Variants in CDC16 observed in about 807,000 individuals in gnomAD.
The protein encoded by CDC16 is cell division cycle 16.
A neutral mutation model predicts 87.0 loss-of-function variants in CDC16; 34 were observed. The ratio of observed to expected loss-of-function variants is 0.39; its 90% confidence interval spans 0.30 to 0.52. The LOEUF (loss-of-function observed/expected upper bound fraction) is 0.52, where lower values mean the gene tolerates loss of function less well. CDC16 is among the 20% of genes least tolerant of loss of function. The pLI, the probability that CDC16 is intolerant of heterozygous loss-of-function variation, is 0.74. For synonymous variants in CDC16, 263 were observed against 260.6 expected, an observed-to-expected ratio of 1.01 and a Z score of -0.09; for missense variants, 653 against 751.9, an observed-to-expected ratio of 0.87 and a Z score of 1.54.
intron 1 of CDC16, among the ~76,000 whole-genome samples, chr13:114,236,231 G>A (rs2081245113): frequency 6.6e-6 from 1 of 152,290 alleles, no homozygotes; most frequent in East Asian, 1.9e-4. Context: ...TGTTATATAA[G>A]GTATTTGAGT....
chr13:114,234,982 G>C lies in CDC16; in HGVS notation c.-103G>C. The C allele has an allele frequency of 1.1e-6, 1 of 949,144 alleles. No individual in the cohort carries two copies. The highest frequency in any genetic ancestry group is 1.4e-6 in the Non-Finnish European group (1 of 727,126). 58.8% of individuals were successfully genotyped at this position (949,144 alleles called of 1,614,324 possible). On this transcript the variant is annotated 5_prime_UTR_variant, in exon 1 of 18. Coordinates refer to ENST00000356221, the MANE Select transcript of CDC16 (RefSeq NM_001078645.3). ...GCGGCCTTCGAGTCCTGGGGCGGCG[G>C]CGGCGGCTGCAGGCACGGGCACGGG...
At chr13:114,252,629 A>G (rs1026132825) in intron 12 of CDC16, among the ~76,000 whole-genome samples, 4 of 141,172 alleles carry the variant, frequency 2.8e-5, no homozygotes, top group Admixed American at 1.4e-4. Context: ...ATGTATCAAT[A>G]TGATAATTTG....
At position 114,243,316 on chromosome 13, in the gene CDC16, C is replaced by A; in HGVS notation, c.601C>A (p.Leu201Met). The A allele has an allele frequency of 6.3e-7, 1 of 1,584,004 alleles. No individual in the cohort carries two copies. Among genetic ancestry groups the A allele is most frequent in the Non-Finnish European group, 8.7e-7 (1 of 1,153,100 alleles). Residue 201 changes from leucine (L) to methionine (M), a missense_variant, in exon 7 of 18, where the codon CTG becomes ATG. Physicochemically the swap from Leu to Met is conservative, Grantham distance 15. Coordinates refer to ENST00000356221, the MANE Select transcript of CDC16 (RefSeq NM_001078645.3). ...SKLCNEEQEL[L>M]RFLFENKLKK... ...GCTGTGTAATGAAGAACAGGAATTG[C>A]TGCGTTTTCTATTTGAGAACAAATT...
chr13:114,244,039 TTACC>T, intron 8 of CDC16, 50 bp downstream of exon 8: 1 of 1,335,466 alleles, frequency 7.5e-7, no homozygotes, highest in Non-Finnish European at 1.1e-6. Flanking sequence ...TCACTCCATC[TTACC>T]TAGGTGATTC....
intron 12 of CDC16, among the ~76,000 whole-genome samples, chr13:114,255,264 T>G (rs1372313202): frequency 6.6e-6 from 1 of 152,228 alleles, no homozygotes; most frequent in East Asian, 1.9e-4. Flanking sequence ...TGTATATACT[T>G]ATATCATTTG....
At chr13:114,243,803 T>G (rs1339014425) in intron 7 of CDC16, 53 bp from the exon 8 acceptor site, 13 of 1,472,056 alleles carry the variant, frequency 8.8e-6, no homozygotes, top group Non-Finnish European at 1.2e-5. Context: ...TGAATCCACA[T>G]TTTATTTTGT....
chr13:114,241,940 C>T (rs997508782), intron 5 of CDC16, among the ~76,000 whole-genome samples, 181 bp from the exon 6 acceptor site: 2 of 152,126 alleles, frequency 1.3e-5, no homozygotes, highest in South Asian at 2.1e-4. Context: ...ATCCTAGCTA[C>T]TCAGGAGGCT....
At position 114,268,227 on chromosome 13, in the gene CDC16, A is replaced by G. The variant is rs528757810; in HGVS notation, c.1603+2987A>G. ...AAATGAAGGCTCTCTAGAGAGGGAA[A>G]AGGGAAAAAGAAATGAAAAATAAAT... On this transcript the variant is annotated intron_variant, in intron 17 of 17. Coordinates refer to ENST00000356221, the MANE Select transcript of CDC16 (RefSeq NM_001078645.3). Among the ~76,000 whole-genome samples the G allele has an allele frequency of 7.2e-5, 11 of 152,300 alleles. No individual in the cohort carries two copies. In the South Asian group the frequency reaches 1.2e-3, roughly 17 times the overall value.
chr13:114,250,612 G>C lies in CDC16; in HGVS notation c.1035G>C (p.Ala345=), dbSNP rs762043958. 1 of 1,613,906 alleles carries C rather than the reference G, an allele frequency of 6.2e-7. No homozygotes were observed. The highest frequency in any genetic ancestry group is 8.5e-7 in the Non-Finnish European group (1 of 1,179,986). The change falls in exon 12 of 18, where the codon GCG becomes GCC. Residue 345 remains alanine, a synonymous_variant. Coordinates refer to ENST00000356221, the MANE Select transcript of CDC16 (RefSeq NM_001078645.3). The part of the protein sequence containing the change: ...PAWIAYGHSF[A]VESEHDQAMA... ...GGATAGCCTATGGACATTCATTTGCGGTGGAGAGTGAGCACGACCAAGCGA... is the reference window on the plus strand; with the variant it reads ...GGATAGCCTATGGACATTCATTTGCCGTGGAGAGTGAGCACGACCAAGCGA...
At chr13:114,245,974 T>C in intron 9 of CDC16, 26 bp from the exon 10 acceptor site, 2 of 1,355,406 alleles carry the variant, frequency 1.5e-6, no homozygotes, top group East Asian at 2.3e-5. Context: ...CGAACAATTG[T>C]TCTTTTTCTG....
intron 17 of CDC16, among the ~76,000 whole-genome samples, chr13:114,270,799 A>AGCCT (rs1321833767): frequency 6.6e-6 from 1 of 152,010 alleles, no homozygotes; most frequent in African/African-American, 2.4e-5. Context: ...GGCAAGTCTG[A>AGCCT]GCCTTAGTTT....
chr13:114,267,162 C>G (rs2083280255), intron 17 of CDC16, among the ~76,000 whole-genome samples: 1 of 152,146 alleles, frequency 6.6e-6, no homozygotes, highest in South Asian at 2.1e-4. Context: ...TGAATCTACT[C>G]TGGATGAAAA....
chr13:114,236,376 C>T (rs1192600477), intron 1 of CDC16, among the ~76,000 whole-genome samples: 1 of 152,130 alleles, frequency 6.6e-6, no homozygotes, highest in Non-Finnish European at 1.5e-5. Context: ...TTTCACGATA[C>T]ATTTTTACAG....
chr13:114,243,772 C>T, intron 7 of CDC16, 84 bp from the exon 8 acceptor site: 1 of 1,148,750 alleles, frequency 8.7e-7, no homozygotes, highest in Non-Finnish European at 1.3e-6. Flanking sequence ...AATGTTTTAA[C>T]CACTTGGGCC....
At chr13:114,242,622 T>G (rs2081609581) in intron 6 of CDC16, 1 of 206,082 alleles carries the variant, frequency 4.9e-6, no homozygotes, top group Non-Finnish European at 9.7e-6. Flanking sequence ...AGTTCCCAAC[T>G]CCAGAGCAGA....
intron 14 of CDC16, among the ~76,000 whole-genome samples, chr13:114,259,986 T>C (rs1241031137): frequency 2.0e-5 from 3 of 152,240 alleles, no homozygotes; most frequent in Non-Finnish European, 2.9e-5. Context: ...TATACTGATA[T>C]TACTTAAAAG....
chr13:114,235,661 G>A (rs2081213248), intron 1 of CDC16, among the ~76,000 whole-genome samples: 1 of 152,210 alleles, frequency 6.6e-6, no homozygotes, highest in Non-Finnish European at 1.5e-5. Flanking sequence ...TCGAGAATCA[G>A]CAGCATCAGT....
intron 1 of CDC16, 41 bp downstream of exon 1, chr13:114,235,173 C>T (rs1173212697): frequency 1.2e-5 from 15 of 1,220,924 alleles, no homozygotes; most frequent in African/African-American, 9.4e-5. Flanking sequence ...CAGGCCTCGC[C>T]GGGTCTTTTT....
rs1024655536 is a variant in CDC16, at chr13:114,250,596, A to G, written c.1019A>G (p.Tyr340Cys). The part of the protein sequence containing the change: ...EKTYGPAWIA[Y>C]GHSFAVESEH... Reference sequence around the variant, plus strand: ...ACCTATGGACCTGCATGGATAGCCTATGGACATTCATTTGCGGTGGAGAGT... The same window carrying G: ...ACCTATGGACCTGCATGGATAGCCTGTGGACATTCATTTGCGGTGGAGAGT... Residue 340 changes from tyrosine (Y) to cysteine (C), a missense_variant, in exon 12 of 18, where the codon TAT becomes TGT. Transcript: ENST00000356221. The G allele has an allele frequency of 3.7e-6, 6 of 1,613,918 alleles. No individual in the cohort carries two copies. Among genetic ancestry groups the G allele is most frequent in the Non-Finnish European group, 5.1e-6 (6 of 1,179,946 alleles).
Sources: gnomAD v4.1 joint callset for allele counts (sites outside exome capture counted in the v4.1 genomes callset) on GRCh38, gnomAD v4.1.1 for gene constraint, MANE v1.5 for transcripts, NCBI Gene and HGNC (gene_info 2026-07-23, HGNC 2026-07-21) for gene names.